The following FAM9A variants were observed in gnomAD, a reference collection of about 807,000 sequenced individuals.
The protein encoded by FAM9A is family with sequence similarity 9 member A, also known as protein FAM9A.
A neutral mutation model predicts 25.0 loss-of-function variants in FAM9A; 49 were observed. The ratio of observed to expected loss-of-function variants is 1.96; its 90% CI spans 1.56 to 2.48. FAM9A has a LOEUF of 2.48. FAM9A is among the 30% of genes most tolerant of loss of function. The pLI, the probability that FAM9A is intolerant of heterozygous loss-of-function variation, is 0.00. For synonymous variants in FAM9A, 80 were observed against 85.1 expected (o/e 0.94, Z 0.33); for missense variants, 266 against 249.3 (o/e 1.07, Z -0.45).
chrX:8,800,214 T>C lies in FAM9A; in HGVS notation c.-38-5A>G, dbSNP rs1933591311. 3 of 1,189,062 alleles carry C rather than the reference T, an allele frequency of 2.5e-6. No homozygotes were observed. Among genetic ancestry groups the C allele is most frequent in the Non-Finnish European group, 3.4e-6 (3 of 881,030 alleles). ...AGTTAGAGGCGATCCCTGAACCTGG[T>C]TGAGTGCAAAGTCAAACTAAGTAAG... On this transcript the variant is annotated splice_region_variant and splice_polypyrimidine_tract_variant and intron_variant, in intron 1 of 9. Coordinates refer to ENST00000381003, the MANE Select transcript of FAM9A (RefSeq NM_174951.3).
intron 5 of FAM9A, 100 bp downstream of exon 5, chrX:8,798,050 G>A: frequency 2.5e-6 from 2 of 813,848 alleles, no homozygotes; most frequent in East Asian, 3.4e-5. Flanking sequence ...AAGAAGGCAT[G>A]TTAAGACAGT....
At chrX:8,797,260 C>G (rs951874704) in intron 5 of FAM9A, among the ~76,000 whole-genome samples, 1 of 111,775 alleles carries the variant, frequency 8.9e-6, no homozygotes, top group Non-Finnish European at 1.9e-5. Flanking sequence ...CTGAATTGAG[C>G]GTTTTAAAAA....
intron 8 of FAM9A, among the ~76,000 whole-genome samples, chrX:8,792,287 G>A (rs1234697545): frequency 9.0e-6 from 1 of 110,810 alleles, no homozygotes; most frequent in African/African-American, 3.3e-5. Flanking sequence ...AGAGGGAAGG[G>A]CTAGGAAGCA....
rs1933467470 is a variant in FAM9A, at chrX:8,791,288, C to T, written c.*23G>A. The T allele has an allele frequency of 1.7e-6, 2 of 1,179,466 alleles. No homozygotes were observed. The highest frequency in any genetic ancestry group is 4.5e-5 in the Admixed American group (2 of 43,982). On this transcript the variant is annotated 3_prime_UTR_variant, in exon 9 of 10. Coordinates refer to ENST00000381003, the MANE Select transcript of FAM9A (RefSeq NM_174951.3). Reference sequence around the variant, plus strand: ...AAATATGCACTACTTACAGTTCTGACACGATTCTTTTTAAAAACACGGCTA... The same window carrying T: ...AAATATGCACTACTTACAGTTCTGATACGATTCTTTTTAAAAACACGGCTA...
rs1933553103 is a variant in FAM9A, at chrX:8,798,073, T to C, written c.373+77A>G. 6.0e-6 allele frequency: 6 copies of C among 997,648 alleles called. No homozygotes were observed. The South Asian group carries it at 1.3e-4, about 22-fold the overall frequency. The allele number at this position is 997,648 out of a possible 1,213,427, so 82.2% of individuals were successfully genotyped here. On this transcript the variant is annotated intron_variant, in intron 5 of 9. Coordinates refer to ENST00000381003, the MANE Select transcript of FAM9A (RefSeq NM_174951.3). ...ATGTTAAGACAGTCTCGTCGTCCAC[T>C]AATTCATATAACCTACTATAACAGT... is the stretch of plus-strand genomic sequence containing the variant.
chrX:8,801,007 G>C (rs1217611333), intron 1 of FAM9A, among the ~76,000 whole-genome samples: 16 of 85,091 alleles, frequency 1.9e-4, no homozygotes, highest in Admixed American at 1.1e-3. Context: ...GCCCATCCCA[G>C]CCCACCCTCA....
intron 8 of FAM9A, 54 bp downstream of exon 8, chrX:8,793,604 C>T: frequency 1.0e-6 from 1 of 988,048 alleles, no homozygotes; most frequent in East Asian, 3.1e-5. Context: ...AGACTTTCTT[C>T]TGTTATGCAC....
chrX:8,791,269 G>A lies in FAM9A; in HGVS notation c.*31+11C>T. ...ATCCTGAGTTTTTAAACTTAAATAT[G>A]CACTACTTACAGTTCTGACACGATT... On this transcript the variant is annotated intron_variant, in intron 9 of 9. Coordinates refer to ENST00000381003, the MANE Select transcript of FAM9A (RefSeq NM_174951.3). The A allele has an allele frequency of 9.3e-7, 1 of 1,071,899 alleles. No homozygotes were observed. The highest frequency in any genetic ancestry group is 1.3e-6 in the Non-Finnish European group (1 of 787,431). The allele number at this position is 1,071,899 out of a possible 1,213,427, so 88.3% of individuals were successfully genotyped here.
intron 6 of FAM9A, 114 bp from the exon 7 acceptor site, chrX:8,795,534 T>C: frequency 1.6e-6 from 1 of 628,118 alleles, no homozygotes; most frequent in Non-Finnish European, 2.3e-6. Context: ...AAGGGAGTAA[T>C]AGCAGCTGAA....
At chrX:8,794,941 C>T in intron 7 of FAM9A, 137 bp downstream of exon 7, 1 of 944,869 alleles carries the variant, frequency 1.1e-6, no homozygotes, top group Non-Finnish European at 1.4e-6. Context: ...TTATATTCCC[C>T]TAGTACATGA....
At chrX:8,798,318 A>G in intron 4 of FAM9A, 41 bp downstream of exon 4, 2 of 1,207,873 alleles carry the variant, frequency 1.7e-6, no homozygotes, top group Non-Finnish European at 2.2e-6. Flanking sequence ...CTTTTCCTAA[A>G]AGACCCTATC....
chrX:8,793,635 T>C, intron 8 of FAM9A, 23 bp downstream of exon 8: 1 of 1,138,556 alleles, frequency 8.8e-7, no homozygotes, highest in Non-Finnish European at 1.2e-6. Flanking sequence ...TTATAATGTA[T>C]TATGTTACCA....
rs201732308 is a variant in FAM9A, at chrX:8,795,287, C to G, written c.622G>C (p.Glu208Gln). The G allele has an allele frequency of 2.5e-6, 3 of 1,195,573 alleles. No individual in the cohort carries two copies. Among genetic ancestry groups the G allele is most frequent in the Non-Finnish European group, 3.4e-6 (3 of 886,855 alleles). ...ACTTCTGCTGCTGCTGCTGCGGCTT[C>G]TGCTGCTGCTGCGGCTTCTGCTGCT... Reference protein sequence around the residue: ...AAAAEAAAAAEAAAAAAEVIV... With the variant: ...AAAAEAAAAAQAAAAAAEVIV... Residue 208 changes from glutamate (E) to glutamine (Q), a missense_variant, in exon 7 of 10, where the codon GAA (glutamate) becomes CAA (glutamine). Physicochemically the swap from Glu to Gln is conservative, Grantham distance 29 (BLOSUM62 2). Transcript: ENST00000381003.
chrX:8,800,256 T>C (rs1933591768), intron 1 of FAM9A, 47 bp from the exon 2 acceptor site: 1 of 1,079,553 alleles, frequency 9.3e-7, no homozygotes, highest in African/African-American at 1.9e-5. Context: ...AAACAGGATA[T>C]GTGAAAGGAG....
At chrX:8,798,239 T>C in intron 4 of FAM9A, 58 bp from the exon 5 acceptor site, 10 of 1,202,462 alleles carry the variant, frequency 8.3e-6, no homozygotes, top group Non-Finnish European at 1.1e-5. Context: ...GCCATGTTTG[T>C]TGGGAAGATA....
At chrX:8,798,283 T>C (rs1933556242) in intron 4 of FAM9A, 76 bp downstream of exon 4, 8 of 1,202,306 alleles carry the variant, frequency 6.7e-6, no homozygotes, top group South Asian at 1.8e-5. Context: ...TAGAATAGAA[T>C]AGTGATGACA....
chrX:8,796,624 G>A (rs1463781758), intron 5 of FAM9A, among the ~76,000 whole-genome samples: 2 of 111,625 alleles, frequency 1.8e-5, no homozygotes, highest in African/African-American at 6.5e-5. Context: ...TATGGATGAT[G>A]AAAAAAAGCA....
At chrX:8,792,100 T>C (rs781453063) in intron 8 of FAM9A, among the ~76,000 whole-genome samples, 2 of 111,633 alleles carry the variant, frequency 1.8e-5, no homozygotes, top group Non-Finnish European at 3.8e-5. Context: ...TTTAAAGCAT[T>C]GTGAGGGAAG....
chrX:8,798,361 C>T lies in FAM9A; in HGVS notation c.339G>A (p.Thr113=), dbSNP rs752101252. 11 of 1,209,642 alleles carry T rather than the reference C, an allele frequency of 9.1e-6. No homozygotes were observed. In the East Asian group the frequency reaches 1.2e-4, roughly 13 times the overall value. The change falls in exon 4 of 10, where the codon ACG becomes ACA. Residue 113 remains threonine (T), a splice_region_variant and synonymous_variant. Transcript: ENST00000381003. ...REPFAEKDEH[T]GIHTMKLEHI... ...CAAAAGTGACTTAAACACTTTACCC[C>T]GTGTGTTCATCTTTTTCAGCAAAAG...
Sources: allele counts gnomAD v4.1 joint callset (sites outside exome capture counted in the v4.1 genomes callset), GRCh38; gene constraint gnomAD v4.1.1; transcripts MANE v1.5; gene names NCBI Gene and HGNC (gene_info 2026-07-23, HGNC 2026-07-21).